Variants in MYO3B observed in about 807,000 individuals in gnomAD.
MYO3B encodes the protein myosin IIIB.
A neutral mutation model predicts 174.6 loss-of-function variants in MYO3B; 156 were observed. That is an observed-to-expected ratio of 0.89 (90% CI 0.78 to 1.02). The LOEUF is 1.02. MYO3B is among the 50% of genes least tolerant of loss of function. MYO3B has a pLI of 0.00. For synonymous variants in MYO3B, 563 were observed against 569.1 expected (o/e 0.99, Z 0.15); for missense variants, 1,632 against 1,639.4 (o/e 1.00, Z 0.08).
At chr2:170,383,919 G>A (rs538599557) in intron 12 of MYO3B, 105 bp downstream of exon 12, 14 of 895,392 alleles carry the variant, frequency 1.6e-5, no homozygotes, top group Non-Finnish European at 2.2e-5. Flanking sequence ...CCGGTTGCTG[G>A]TGCTGACCCA....
chr2:170,412,530 C>G (rs1203323778), intron 22 of MYO3B: 1 of 152,156 alleles, frequency 6.6e-6, no homozygotes, highest in African/African-American at 2.4e-5. Context: ...TGTTTATTGA[C>G]TTCTATTTGC....
intron 7 of MYO3B, among the ~76,000 whole-genome samples, chr2:170,310,422 C>T (rs564069773): frequency 1.3e-5 from 2 of 151,936 alleles, no homozygotes; most frequent in African/African-American, 2.4e-5. Context: ...CAGCACTTTG[C>T]GAGACCGAGG....
chr2:170,614,378 A>C (rs553451281), intron 32 of MYO3B, among the ~76,000 whole-genome samples: 10 of 152,282 alleles, frequency 6.6e-5, no homozygotes, highest in Admixed American at 6.5e-4. Context: ...TCTGCAGACT[A>C]TCTGGATTCC....
intron 7 of MYO3B, among the ~76,000 whole-genome samples, chr2:170,271,505 C>G (rs1445698518): frequency 6.6e-6 from 1 of 152,124 alleles, no homozygotes; most frequent in Non-Finnish European, 1.5e-5. Context: ...GGTGGCCTAC[C>G]AAAGTTGATA....
chr2:170,408,032 G>T (rs1029379062), intron 22 of MYO3B, among the ~76,000 whole-genome samples, 188 bp downstream of exon 22: 2 of 152,238 alleles, frequency 1.3e-5, no homozygotes, highest in Non-Finnish European at 1.5e-5. Context: ...TGCAGCATCC[G>T]TGTGTACACA....
chr2:170,472,673 CTATTTATTTATTTATTTATTTATT>C (rs61295158), intron 25 of MYO3B, among the ~76,000 whole-genome samples: 1 of 142,296 alleles, frequency 7.0e-6, no homozygotes, highest in African/African-American at 2.6e-5. Flanking sequence ...CACTTTTTAT[CTATTTATTTATTTATTTATTTATT>C]TATTTATTTA....
At chr2:170,521,674 C>T (rs1270515005) in intron 30 of MYO3B, among the ~76,000 whole-genome samples, 1 of 152,182 alleles carries the variant, frequency 6.6e-6, no homozygotes, top group East Asian at 1.9e-4. Context: ...GCTTTCCCAT[C>T]TTTTACACTC....
At chr2:170,350,306 A>G (rs774937139) in intron 8 of MYO3B, 6 of 152,200 alleles carry the variant, frequency 3.9e-5, no homozygotes, top group South Asian at 2.1e-4. Context: ...GGATTGTTAA[A>G]TTGATAGCTA....
intron 1 of MYO3B, among the ~76,000 whole-genome samples, chr2:170,182,233 T>A (rs1301976361): frequency 6.6e-6 from 1 of 152,116 alleles, no homozygotes; most frequent in Non-Finnish European, 1.5e-5. Flanking sequence ...ACACCAAGAC[T>A]ATAATGTATT....
chr2:170,243,913 A>C (rs2093162613), intron 7 of MYO3B, among the ~76,000 whole-genome samples: 1 of 151,912 alleles, frequency 6.6e-6, no homozygotes, highest in African/African-American at 2.4e-5. Context: ...CATTGTCACA[A>C]CTCCTTTGTA....
chr2:170,220,797 G>A (rs1305821707), intron 6 of MYO3B, among the ~76,000 whole-genome samples: 1 of 151,990 alleles, frequency 6.6e-6, no homozygotes, highest in Non-Finnish European at 1.5e-5. Flanking sequence ...TTTAAGGTAT[G>A]GACACCTTGA....
rs76076845 is a variant in MYO3B at position 170,182,258 on chromosome 2, T to A, written c.2+3969T>A. On this transcript the variant is annotated intron_variant, in intron 1 of 34. Transcript: ENST00000408978. ...TATAATGTATTTAGCTATATTTTTT[T>A]AAAAAATTTTGAGCCACCATACTCT... is the stretch of plus-strand genomic sequence containing the variant. 9.2e-3 allele frequency among the ~76,000 whole-genome samples: 1,399 copies of A among 152,216 alleles called. 53 individuals are homozygous for A. In the East Asian group the frequency reaches 0.1, roughly 11 times the overall value.
At chr2:170,481,584 T>A (rs1467341895) in intron 25 of MYO3B, among the ~76,000 whole-genome samples, 5 of 152,076 alleles carry the variant, frequency 3.3e-5, no homozygotes, top group Non-Finnish European at 2.9e-5. Flanking sequence ...AAAAAAAATT[T>A]AAAAATTTTT....
intron 32 of MYO3B, among the ~76,000 whole-genome samples, chr2:170,581,332 T>C (rs1177397591): frequency 1.3e-5 from 2 of 152,226 alleles, no homozygotes; most frequent in African/African-American, 4.8e-5. Flanking sequence ...TTGTCCATTT[T>C]TCATTTTTTT....
chr2:170,443,853 G>A, intron 22 of MYO3B, 114 bp from the exon 23 acceptor site: 1 of 675,346 alleles, frequency 1.5e-6, no homozygotes, highest in Non-Finnish European at 2.3e-6. Flanking sequence ...TAAAAATTCA[G>A]AGCAGATTGT....
At chr2:170,400,402 CTT>C (rs10676575) in intron 17 of MYO3B, 88 bp downstream of exon 17, 30,666 of 959,542 alleles carry the variant, frequency 0.032, no homozygotes, top group East Asian at 0.047. Context: ...TTTGCTGGTC[CTT>C]TTTTTTTTTT....
intron 7 of MYO3B, among the ~76,000 whole-genome samples, chr2:170,270,773 G>A (rs1408791013): frequency 6.6e-6 from 1 of 152,146 alleles, no homozygotes; most frequent in Non-Finnish European, 1.5e-5. Context: ...TGACCCCAGG[G>A]AAGAAGAGTA....
chr2:170,434,448 G>A (rs1329153228), intron 22 of MYO3B, among the ~76,000 whole-genome samples: 4 of 152,156 alleles, frequency 2.6e-5, no homozygotes, highest in Non-Finnish European at 5.9e-5. Context: ...GAGGGGAAGG[G>A]GTTCTTATTC....
At chr2:170,543,761 A>T in intron 31 of MYO3B, 131 bp from the exon 32 acceptor site, 1 of 561,534 alleles carries the variant, frequency 1.8e-6, no homozygotes, top group Non-Finnish European at 3.0e-6. Context: ...CAACTTACAA[A>T]TGATTCCAGT....
Sources: allele counts gnomAD v4.1 joint callset (sites outside exome capture counted in the v4.1 genomes callset), GRCh38; gene constraint gnomAD v4.1.1; transcripts MANE v1.5; gene names NCBI Gene and HGNC (gene_info 2026-07-23, HGNC 2026-07-21).